CTNND2: variants seen among roughly 807,000 people sequenced by gnomAD.
CTNND2 encodes catenin delta 2.
Under a neutral mutation model 144.4 loss-of-function variants are expected in CTNND2, and 22 were observed. The ratio of observed to expected loss-of-function variants is 0.15; its 90% CI spans 0.11 to 0.22. The LOEUF (loss-of-function observed/expected upper bound fraction) is 0.22. Among genes scored for constraint, CTNND2 ranks in the 10% least tolerant of loss-of-function variants. CTNND2 has a pLI of 1.00. For synonymous variants in CTNND2, 751 were observed against 695.6 expected (o/e 1.08, Z -1.25); for missense variants, 1,353 against 1,618.8 (o/e 0.84, Z 2.82).
chr5:11,674,981 C>T (rs111942550), intron 2 of CTNND2, among the ~76,000 whole-genome samples: 1 of 152,226 alleles, frequency 6.6e-6, no homozygotes, highest in Non-Finnish European at 1.5e-5. Context: ...CTGCCTCAGG[C>T]ATATGTAGTT....
chr5:11,458,832 C>T lies in CTNND2; in HGVS notation c.288-46763G>A, dbSNP rs956623030. ...GTGGTGCAATCATGGCTCACTGCAG[C>T]CTGGAGTCCCTGGGTTGAAGCAATA... On this transcript the variant is annotated intron_variant, in intron 3 of 21. Transcript: ENST00000304623. 2.0e-5 allele frequency among the ~76,000 whole-genome samples: 3 copies of T among 152,084 alleles called. No homozygotes were observed. In the South Asian group the frequency reaches 6.2e-4, roughly 32 times the overall value.
chr5:11,405,773 AG>A (rs201781224), intron 5 of CTNND2, among the ~76,000 whole-genome samples: 4 of 152,050 alleles, frequency 2.6e-5, no homozygotes, highest in African/African-American at 9.6e-5. Flanking sequence ...TACCCGAGGT[AG>A]GGGGGGAAGT....
At chr5:11,527,691 T>C (rs1306903676) in intron 3 of CTNND2, among the ~76,000 whole-genome samples, 1 of 152,222 alleles carries the variant, frequency 6.6e-6, no homozygotes, top group Non-Finnish European at 1.5e-5. Flanking sequence ...GACACTCCTC[T>C]AAGCTGCTGT....
At chr5:11,674,979 G>T (rs537420487) in intron 2 of CTNND2, among the ~76,000 whole-genome samples, 55 of 152,210 alleles carry the variant, frequency 3.6e-4, no homozygotes, top group African/African-American at 1.3e-3. Context: ...TCCTGCCTCA[G>T]GCATATGTAG....
chr5:11,501,781 G>A (rs1029885951), intron 3 of CTNND2, among the ~76,000 whole-genome samples: 7 of 151,970 alleles, frequency 4.6e-5, no homozygotes, highest in African/African-American at 1.7e-4. Flanking sequence ...GGCCGAGACG[G>A]GCAGATCACA....
intron 3 of CTNND2, among the ~76,000 whole-genome samples, chr5:11,469,311 C>A (rs1373538741): frequency 6.6e-6 from 1 of 152,150 alleles, no homozygotes; most frequent in East Asian, 1.9e-4. Context: ...GTAATTTATT[C>A]CTGACCTCTG....
intron 1 of CTNND2, among the ~76,000 whole-genome samples, chr5:11,799,033 T>G (rs1459613767): frequency 2.0e-5 from 3 of 152,128 alleles, no homozygotes; most frequent in Non-Finnish European, 4.4e-5. Flanking sequence ...TGAGGCTGAA[T>G]CCTGGTTTGT....
chr5:11,811,514 T>C (rs1409115254), intron 1 of CTNND2, among the ~76,000 whole-genome samples: 1 of 152,228 alleles, frequency 6.6e-6, no homozygotes, highest in Non-Finnish European at 1.5e-5. Flanking sequence ...TAAGGCATGA[T>C]ATTGTAAAGG....
At chr5:11,865,484 G>T (rs115518711) in intron 1 of CTNND2, among the ~76,000 whole-genome samples, 23 of 152,094 alleles carry the variant, frequency 1.5e-4, no homozygotes, top group African/African-American at 5.5e-4. Flanking sequence ...AACCTCTTTC[G>T]GTGTCAATTA....
intron 9 of CTNND2, among the ~76,000 whole-genome samples, chr5:11,324,972 A>G (rs1331774560): frequency 1.3e-5 from 2 of 149,262 alleles, no homozygotes; most frequent in Non-Finnish European, 3.0e-5. Context: ...TTGTCTAAAG[A>G]GTGAAAGCCT....
At chr5:11,185,422 G>T (rs976145134) in intron 11 of CTNND2, among the ~76,000 whole-genome samples, 1 of 152,196 alleles carries the variant, frequency 6.6e-6, no homozygotes, top group Non-Finnish European at 1.5e-5. Flanking sequence ...GAAGAAAGAA[G>T]GAAGACAAGA....
intron 3 of CTNND2, among the ~76,000 whole-genome samples, chr5:11,440,633 A>G (rs753047045): frequency 3.4e-4 from 51 of 152,198 alleles, no homozygotes; most frequent in Non-Finnish European, 2.6e-4. Context: ...ATTTCCTACT[A>G]CTATTTGAAA....
intron 3 of CTNND2, among the ~76,000 whole-genome samples, chr5:11,521,533 A>C (rs1338707317): frequency 2.0e-5 from 3 of 152,202 alleles, no homozygotes; most frequent in African/African-American, 7.2e-5. Context: ...CATCATTCTC[A>C]CCACCATCAT....
At chr5:11,253,523 T>C (rs191358933) in intron 9 of CTNND2, among the ~76,000 whole-genome samples, 35 of 152,312 alleles carry the variant, frequency 2.3e-4, no homozygotes, top group South Asian at 1.2e-3. Flanking sequence ...TCTTGCCTGC[T>C]GCCATGTAAG....
At chr5:11,109,448 T>A (rs1752734223) in intron 14 of CTNND2, among the ~76,000 whole-genome samples, 1 of 152,200 alleles carries the variant, frequency 6.6e-6, no homozygotes, top group Non-Finnish European at 1.5e-5. Flanking sequence ...TATTATAGTG[T>A]CTTTTTAAGG....
intron 10 of CTNND2, among the ~76,000 whole-genome samples, chr5:11,224,330 G>A (rs1412132877): frequency 6.6e-6 from 1 of 152,118 alleles, no homozygotes. Context: ...GCCTCTGGCT[G>A]CAATAGTGCT....
chr5:11,524,764 T>C (rs1440114231), intron 3 of CTNND2, among the ~76,000 whole-genome samples: 2 of 152,168 alleles, frequency 1.3e-5, no homozygotes, highest in Non-Finnish European at 2.9e-5. Context: ...CTGGTGATAA[T>C]ATACACTAGA....
At chr5:11,644,066 A>G (rs76127955) in intron 2 of CTNND2, among the ~76,000 whole-genome samples, 1,632 of 152,352 alleles carry the variant, frequency 0.011, 17 homozygotes, top group Non-Finnish European at 0.018. Flanking sequence ...TATTTAGTGC[A>G]TGAAGTACAA....
chr5:11,284,567 C>T lies in CTNND2; in HGVS notation c.1629-47744G>A, dbSNP rs140117640. 1.5e-3 allele frequency among the ~76,000 whole-genome samples: 222 copies of T among 152,246 alleles called. 1 individual carries two copies. The highest frequency in any genetic ancestry group is 5.1e-3 in the African/African-American group (212 of 41,546). On this transcript the variant is annotated intron_variant, in intron 9 of 21. Transcript: ENST00000304623. ...CTGAGGATAATGACTTCCAGCTTCACTCAAGTCCCTGCAAAGGACATGATC... is the reference window on the plus strand; with the variant it reads ...CTGAGGATAATGACTTCCAGCTTCATTCAAGTCCCTGCAAAGGACATGATC...
Sources: gnomAD v4.1 joint callset for allele counts (sites outside exome capture counted in the v4.1 genomes callset) on GRCh38, gnomAD v4.1.1 for gene constraint, MANE v1.5 for transcripts, NCBI Gene and HGNC (gene_info 2026-07-23, HGNC 2026-07-21) for gene names.